AFF1: variants seen among roughly 807,000 people sequenced by gnomAD.
The protein encoded by AFF1 is AF4/FMR2 family member 1.
In AFF1, 48 loss-of-function variants were observed where a neutral mutation model predicts 121.7. That is an observed-to-expected ratio of 0.39 (90% CI 0.31 to 0.50). AFF1 has a LOEUF of 0.50. Ranked by LOEUF, AFF1 falls within the 20% of genes least tolerant of loss-of-function variation. The probability of loss-of-function intolerance (pLI) is 0.76; values close to 1 mark genes in which losing one functional copy is unlikely to be tolerated. For missense variants in AFF1, 1,523 were observed against 1,511.7 expected (o/e 1.01, Z -0.12); for synonymous variants, 613 against 563.0 (o/e 1.09, Z -1.26).
chr4:86,953,369 G>T lies in AFF1; in HGVS notation c.38+4798G>T, dbSNP rs145947412. 2.5e-3 allele frequency among the ~76,000 whole-genome samples: 386 copies of T among 152,278 alleles called. 5 individuals carry two copies. Among genetic ancestry groups the T allele is most frequent in the African/African-American group, 8.1e-3 (336 of 41,554 alleles). On this transcript the variant is annotated intron_variant, in intron 2 of 20. Transcript: ENST00000395146. ...TCATGTGGAACTGGTCCAGGACTAG[G>T]ATATATTTGCAAAGGAAACAGATGT... is the stretch of plus-strand genomic sequence containing the variant.
chr4:87,067,592 T>C (rs1490615432), intron 4 of AFF1, among the ~76,000 whole-genome samples: 1 of 152,098 alleles, frequency 6.6e-6, no homozygotes, highest in Non-Finnish European at 1.5e-5. Flanking sequence ...ATGCACAGAG[T>C]CAGGGGCCTG....
chr4:86,978,137 A>AT (rs1207511599), intron 2 of AFF1, among the ~76,000 whole-genome samples: 1 of 126,834 alleles, frequency 7.9e-6, no homozygotes, highest in Non-Finnish European at 1.7e-5. Context: ...ATGATGTCTC[A>AT]TTGATGGTAG....
intron 7 of AFF1, among the ~76,000 whole-genome samples, chr4:87,092,064 G>A (rs1724372945): frequency 6.6e-6 from 1 of 152,160 alleles, no homozygotes; most frequent in East Asian, 1.9e-4. Context: ...CAGTTGGATC[G>A]CTTGAGCCTA....
intron 5 of AFF1, among the ~76,000 whole-genome samples, chr4:87,084,504 A>C (rs999575545): frequency 6.6e-6 from 1 of 151,676 alleles, no homozygotes; most frequent in South Asian, 2.1e-4. Context: ...AGCTGAGATC[A>C]CGCCACTGCA....
chr4:87,084,550 C>CGATA (rs1313970173), intron 5 of AFF1, among the ~76,000 whole-genome samples: 1 of 136,932 alleles, frequency 7.3e-6, no homozygotes, highest in Admixed American at 7.5e-5. Flanking sequence ...ACTATGTCTC[C>CGATA]AATAAATAAA....
intron 2 of AFF1, among the ~76,000 whole-genome samples, chr4:87,003,754 G>A (rs781014490): frequency 3.3e-5 from 5 of 152,148 alleles, no homozygotes; most frequent in African/African-American, 4.8e-5. Context: ...AGATAAAACA[G>A]CAAGAGAAAA....
In AFF1 at chr4:87,137,246, G is replaced by T. The variant is rs576759082; in HGVS notation, c.*1545G>T. 2 of 228,320 alleles carry T rather than the reference G, an allele frequency of 8.8e-6. No individual in the cohort carries two copies. The highest frequency in any genetic ancestry group is 1.8e-4 in the South Asian group (1 of 5,478). 14.1% of individuals were successfully genotyped at this position (228,320 alleles called of 1,614,324 possible). On this transcript the variant is annotated 3_prime_UTR_variant, in exon 21 of 21. Coordinates refer to ENST00000395146, the MANE Select transcript of AFF1 (RefSeq NM_001166693.3). ...TTTTTCTCCGCCTTTGTCCCATTCTGCCCCTGTACATGTTTCCTACCAAGC... is the reference window on the plus strand; with the variant it reads ...TTTTTCTCCGCCTTTGTCCCATTCTTCCCCTGTACATGTTTCCTACCAAGC...
chr4:87,044,802 G>T (rs1730506394), intron 2 of AFF1, among the ~76,000 whole-genome samples: 1 of 152,196 alleles, frequency 6.6e-6, no homozygotes, highest in Non-Finnish European at 1.5e-5. Flanking sequence ...ATGCTCAGGG[G>T]ATGGACGTGA....
At chr4:87,018,645 C>T (rs1414819334) in intron 2 of AFF1, among the ~76,000 whole-genome samples, 1 of 152,150 alleles carries the variant, frequency 6.6e-6, no homozygotes, top group Non-Finnish European at 1.5e-5. Flanking sequence ...TAGGAAATGA[C>T]CGTCATGTGG....
chr4:87,012,236 G>A, intron 2 of AFF1, among the ~76,000 whole-genome samples: 1 of 46,660 alleles, frequency 2.1e-5, no homozygotes, highest in African/African-American at 7.6e-5. Flanking sequence ...TTTTTTTTTT[G>A]TATAACTATA....
Position 87,116,727 on chromosome 4 carries a change from T to C in AFF1, c.2466+1428T>C, listed in dbSNP as rs990356813. Among the ~76,000 whole-genome samples, 13 of 152,184 alleles carry C rather than the reference T, an allele frequency of 8.5e-5. No individual in the cohort carries two copies. In the East Asian group the frequency reaches 2.3e-3, roughly 27 times the overall value. On this transcript the variant is annotated intron_variant, in intron 12 of 20. Coordinates refer to ENST00000395146, the MANE Select transcript of AFF1 (RefSeq NM_001166693.3). ...GCCGCCATGTTTGCAGCAGGCAAGT[T>C]GAGTGGGATGGGATCCAGTGCTAGT... is the stretch of plus-strand genomic sequence containing the variant.
chr4:86,975,931 G>A (rs1351681375), intron 2 of AFF1, among the ~76,000 whole-genome samples: 1 of 152,184 alleles, frequency 6.6e-6, no homozygotes, highest in Non-Finnish European at 1.5e-5. Context: ...GTCAGGATTG[G>A]CCTCTTTGAG....
chr4:87,012,218 TTG>T (rs1491305998), intron 2 of AFF1, among the ~76,000 whole-genome samples: 8,568 of 35,966 alleles, frequency 0.24, 390 homozygotes, highest in Non-Finnish European at 0.28. Flanking sequence ...ATTTCATTTC[TTG>T]TTTTTTTTTT....
rs139528032 is a variant in AFF1 at position 87,000,285 on chromosome 4, A to G, written c.39-45881A>G. Among the ~76,000 whole-genome samples the G allele has an allele frequency of 3.5e-3, 527 of 152,342 alleles. 2 individuals carry two copies. The highest frequency in any genetic ancestry group is 0.012 in the African/African-American group (499 of 41,572). ...AACAGCCAAAACCAGATAGAGGAAC[A>G]TTCTACGGGATAGCCAGCCTAAACT... On this transcript the variant is annotated intron_variant, in intron 2 of 20. Transcript: ENST00000395146.
At chr4:86,936,417 G>GT (rs1014552528) in intron 1 of AFF1, 1 of 152,252 alleles carries the variant, frequency 6.6e-6, no homozygotes, top group Non-Finnish European at 1.5e-5. Flanking sequence ...AGGAGTCTGA[G>GT]AGGCGTGGAG....
intron 15 of AFF1, 51 bp downstream of exon 15, chr4:87,127,168 C>CCA: frequency 1.6e-6 from 2 of 1,252,034 alleles, no homozygotes; most frequent in Non-Finnish European, 1.1e-6. Flanking sequence ...GTTTTGCTTC[C>CCA]CCCCCCCACC....
chr4:87,093,549 T>C (rs1249243148), intron 7 of AFF1, among the ~76,000 whole-genome samples: 2 of 152,176 alleles, frequency 1.3e-5, no homozygotes, highest in Non-Finnish European at 1.5e-5. Context: ...CCTAGTGTTA[T>C]ATGTCCACAA....
In AFF1 at chr4:87,055,311, G is replaced by C. The variant is rs150095676; in HGVS notation, c.1059+7717G>C. Among the ~76,000 whole-genome samples, 527 of 152,308 alleles carry C rather than the reference G, an allele frequency of 3.5e-3. 2 individuals carry two copies. Among genetic ancestry groups the C allele is most frequent in the African/African-American group, 0.012 (499 of 41,572 alleles). On this transcript the variant is annotated intron_variant, in intron 4 of 20. Coordinates refer to ENST00000395146, the MANE Select transcript of AFF1 (RefSeq NM_001166693.3). ...AAAAATTAATGCAAAGAATAGAATT[G>C]CTTATAGTAGCCCAAGAGGAAAGCA...
rs1334415913 is a variant in AFF1, at chr4:87,047,393, C to A, written c.858C>A (p.Leu286=). The A allele has an allele frequency of 8.1e-6, 13 of 1,614,194 alleles. No homozygotes were observed. The highest frequency in any genetic ancestry group is 2.2e-5 in the East Asian group (1 of 44,884). The change falls in exon 4 of 21, where the codon CTC becomes CTA. Residue 286 remains leucine (L), a synonymous_variant. Transcript: ENST00000395146. ...PPSQTFPPPS[L]PSKSVAMQQK... ...CTCAGACATTTCCACCTCCCTCCCT[C>A]CCCTCAAAAAGTGTTGCAATGCAGC...
Sources: gnomAD v4.1 joint callset for allele counts (sites outside exome capture counted in the v4.1 genomes callset) on GRCh38, gnomAD v4.1.1 for gene constraint, MANE v1.5 for transcripts, NCBI Gene and HGNC (gene_info 2026-07-23, HGNC 2026-07-21) for gene names.